The following AFF3 variants were observed in gnomAD, a reference collection of about 807,000 sequenced individuals.
AFF3 encodes ALF transcription elongation factor 3, also known as AF4/FMR2 family member 3.
AFF3 carries 32 observed loss-of-function variants against 129.7 expected under a neutral mutation model. The ratio of observed to expected loss-of-function variants is 0.25; its 90% CI spans 0.19 to 0.33. The LOEUF (loss-of-function observed/expected upper bound fraction) is 0.33. Ranked by LOEUF, AFF3 falls within the 10% of genes least tolerant of loss-of-function variation. AFF3 has a pLI of 1.00. For synonymous variants in AFF3, 644 were observed against 635.4 expected (o/e 1.01, Z -0.20); for missense variants, 1,373 against 1,592.0 (o/e 0.86, Z 2.34).
At chr2:99,673,071 T>G (rs573166362) in intron 11 of AFF3, among the ~76,000 whole-genome samples, 62 of 150,422 alleles carry the variant, frequency 4.1e-4, no homozygotes, top group African/African-American at 1.5e-3. Flanking sequence ...TTCTCTCAAA[T>G]ACATAGGGGC....
At chr2:99,650,666 C>T (rs771082760) in intron 12 of AFF3, among the ~76,000 whole-genome samples, 8 of 152,028 alleles carry the variant, frequency 5.3e-5, no homozygotes, top group African/African-American at 1.7e-4. Flanking sequence ...GAACTGCTGA[C>T]GTTAGGCGAT....
intron 20 of AFF3, among the ~76,000 whole-genome samples, chr2:99,564,587 G>A (rs1675791911): frequency 1.3e-5 from 2 of 152,082 alleles, no homozygotes; most frequent in African/African-American, 4.8e-5. Flanking sequence ...AGTTTCAAAG[G>A]CTGGAAACTA....
intron 1 of AFF3, among the ~76,000 whole-genome samples, chr2:100,140,072 G>A (rs1234633594): frequency 6.6e-6 from 1 of 152,128 alleles, no homozygotes; most frequent in Non-Finnish European, 1.5e-5. Context: ...CTTTACCGAA[G>A]GTGGATTTCA....
chr2:99,785,073 C>T (rs1253349163), intron 8 of AFF3, among the ~76,000 whole-genome samples: 1 of 152,140 alleles, frequency 6.6e-6, no homozygotes, highest in African/African-American at 2.4e-5. Flanking sequence ...GTCACTTATC[C>T]TCATTTATAT....
chr2:100,033,884 A>G (rs1235469842), intron 4 of AFF3, among the ~76,000 whole-genome samples: 1 of 152,238 alleles, frequency 6.6e-6, no homozygotes, highest in African/African-American at 2.4e-5. Flanking sequence ...AATAATTTTC[A>G]ACCTCTAACT....
intron 12 of AFF3, among the ~76,000 whole-genome samples, chr2:99,660,306 T>C (rs1686115214): frequency 6.6e-6 from 1 of 152,252 alleles, no homozygotes; most frequent in South Asian, 2.1e-4. Flanking sequence ...TTGTTAAAAA[T>C]GCAATCTGGG....
intron 8 of AFF3, among the ~76,000 whole-genome samples, chr2:99,752,927 T>C (rs1681779920): frequency 6.6e-6 from 1 of 152,168 alleles, no homozygotes; most frequent in Non-Finnish European, 1.5e-5. Flanking sequence ...TGACACACTT[T>C]CTCTAAGCCT....
intron 10 of AFF3, among the ~76,000 whole-genome samples, chr2:99,739,219 T>C (rs543378645): frequency 6.6e-6 from 1 of 152,152 alleles, no homozygotes; most frequent in South Asian, 2.1e-4. Context: ...TTCCTGGGGC[T>C]CCTGGGGGCT....
chr2:99,596,805 G>C (rs552044850), intron 14 of AFF3, among the ~76,000 whole-genome samples: 42 of 152,280 alleles, frequency 2.8e-4, no homozygotes, highest in African/African-American at 9.9e-4. Context: ...CCACTGCCTG[G>C]TATGCTTTAG....
At chr2:99,563,416 T>TCCTGA (rs1453802655) in intron 20 of AFF3, among the ~76,000 whole-genome samples, 1 of 151,428 alleles carries the variant, frequency 6.6e-6, no homozygotes, top group Non-Finnish European at 1.5e-5. Context: ...GGTCTCAATC[T>TCCTGA]CCTGACCTCA....
chr2:100,139,560 G>A (rs1378293341), intron 1 of AFF3, among the ~76,000 whole-genome samples: 1 of 152,164 alleles, frequency 6.6e-6, no homozygotes, highest in African/African-American at 2.4e-5. Context: ...AAACTACAAA[G>A]AGGAATATCT....
intron 4 of AFF3, among the ~76,000 whole-genome samples, chr2:100,016,418 TAGTGGTGGC>T (rs1273297392): frequency 8.3e-6 from 1 of 119,822 alleles, no homozygotes; most frequent in Non-Finnish European, 1.9e-5. Context: ...GTCATGGTGG[TAGTGGTGGC>T]AGTGGTGGTG....
At chr2:99,985,082 T>C (rs1046062225) in intron 7 of AFF3, among the ~76,000 whole-genome samples, 1 of 152,236 alleles carries the variant, frequency 6.6e-6, no homozygotes, top group Non-Finnish European at 1.5e-5. Context: ...TTCCTGGTTA[T>C]GTCTGCAGCA....
At chr2:99,787,053 G>A (rs1385421189) in intron 8 of AFF3, among the ~76,000 whole-genome samples, 2 of 152,024 alleles carry the variant, frequency 1.3e-5, no homozygotes, top group African/African-American at 4.8e-5. Flanking sequence ...AGTATTAAAT[G>A]GGCAAAAATG....
chr2:99,640,088 C>T (rs931800758), intron 13 of AFF3, among the ~76,000 whole-genome samples: 2 of 152,166 alleles, frequency 1.3e-5, no homozygotes, highest in African/African-American at 4.8e-5. Context: ...CAAAGACCCA[C>T]AGTTTGGCTT....
intron 9 of AFF3, among the ~76,000 whole-genome samples, chr2:99,750,708 C>T (rs939231987): frequency 4.6e-5 from 7 of 152,090 alleles, no homozygotes; most frequent in African/African-American, 1.2e-4. Context: ...TGGGCCAACA[C>T]GCCTGGCCAA....
At chr2:99,872,448 C>T (rs1365812070) in intron 7 of AFF3, among the ~76,000 whole-genome samples, 2 of 151,884 alleles carry the variant, frequency 1.3e-5, no homozygotes, top group Admixed American at 1.3e-4. Flanking sequence ...CACAGACAGG[C>T]AAGCACAGTG....
At chr2:99,762,885 G>T (rs147920025) in intron 8 of AFF3, among the ~76,000 whole-genome samples, 1 of 152,232 alleles carries the variant, frequency 6.6e-6, no homozygotes, top group Admixed American at 6.5e-5. Context: ...TTCATTTTCA[G>T]TTTCTGTATC....
At chr2:99,715,182 T>C (rs1678266110) in intron 11 of AFF3, among the ~76,000 whole-genome samples, 1 of 152,190 alleles carries the variant, frequency 6.6e-6, no homozygotes, top group Non-Finnish European at 1.5e-5. Context: ...ATCTCTGGAG[T>C]AGACCACTCA....
Sources: gnomAD v4.1 joint callset for allele counts (sites outside exome capture counted in the v4.1 genomes callset) on GRCh38, gnomAD v4.1.1 for gene constraint, MANE v1.5 for transcripts, NCBI Gene and HGNC (gene_info 2026-07-23, HGNC 2026-07-21) for gene names.